Variants in TASP1 observed in about 807,000 individuals in gnomAD.
TASP1 encodes threonine aspartase 1.
Under a neutral mutation model 56.6 loss-of-function variants are expected in TASP1, and 16 were observed. The observed-to-expected ratio is 0.28, with a 90% CI of 0.19 to 0.43. The LOEUF is 0.43. Among genes scored for constraint, TASP1 ranks in the 20% least tolerant of loss-of-function variants. TASP1 has a pLI of 1.00. For missense variants in TASP1, 393 were observed against 511.6 expected, an observed-to-expected ratio of 0.77 and a Z score of 2.24; for synonymous variants, 179 against 184.2, an observed-to-expected ratio of 0.97 and a Z score of 0.23.
the TASP1 span, among the ~76,000 whole-genome samples, chr20:13,225,100 G>A: frequency 3.1e-4 from 47 of 151,260 alleles, no homozygotes; most frequent in East Asian, 4.1e-3. Flanking sequence ...TGATCCGCCC[G>A]CCTTGGCCTC....
chr20:13,121,592 C>G, the TASP1 span, among the ~76,000 whole-genome samples: 1 of 152,164 alleles, frequency 6.6e-6, no homozygotes, highest in East Asian at 1.9e-4. Context: ...CTAACCCACC[C>G]TGAAGAAGAC....
chr20:13,270,619 G>A, the TASP1 span: 54 of 1,613,812 alleles, frequency 3.3e-5, no homozygotes, highest in East Asian at 8.9e-5. Flanking sequence ...CCCAGACCGC[G>A]ATTCCGACAA....
intron 11 of TASP1, among the ~76,000 whole-genome samples, chr20:13,451,804 G>A (rs1282626284): frequency 2.0e-5 from 3 of 152,050 alleles, no homozygotes; most frequent in African/African-American, 7.2e-5. Context: ...AACTGGTGTA[G>A]GAGGCTTACC....
downstream of TASP1, among the ~76,000 whole-genome samples, chr20:13,388,152 T>A (rs751485798): frequency 7.9e-5 from 12 of 152,226 alleles, no homozygotes; most frequent in Non-Finnish European, 1.6e-4. Context: ...CACCTTAAAA[T>A]ACAGCTTCAG....
At chr20:13,147,976 C>T in the TASP1 span, among the ~76,000 whole-genome samples, 1 of 152,206 alleles carries the variant, frequency 6.6e-6, no homozygotes, top group Admixed American at 6.5e-5. Flanking sequence ...GGCTCACAAA[C>T]TCACAAACTC....
the TASP1 span, among the ~76,000 whole-genome samples, chr20:13,347,907 A>T: frequency 6.6e-6 from 1 of 152,022 alleles, no homozygotes; most frequent in Non-Finnish European, 1.5e-5. Flanking sequence ...TGCCAGTTAG[A>T]CTCCTGGAGG....
chr20:13,139,184 G>A, the TASP1 span, among the ~76,000 whole-genome samples: 1 of 152,120 alleles, frequency 6.6e-6, no homozygotes, highest in Non-Finnish European at 1.5e-5. Context: ...ATTACTTGGT[G>A]ACTAGTAACA....
the TASP1 span, among the ~76,000 whole-genome samples, chr20:13,209,786 G>A: frequency 6.6e-6 from 1 of 152,198 alleles, no homozygotes; most frequent in Non-Finnish European, 1.5e-5. Flanking sequence ...ATGAGATTAT[G>A]CTAAGGCACT....
chr20:13,535,104 G>A (rs538984162), intron 8 of TASP1, among the ~76,000 whole-genome samples: 5 of 152,146 alleles, frequency 3.3e-5, no homozygotes, highest in South Asian at 2.1e-4. Flanking sequence ...GCCCAACGCC[G>A]GGTTCAACAT....
At chr20:13,515,948 T>G (rs117230829) in intron 10 of TASP1, among the ~76,000 whole-genome samples, 2 of 152,170 alleles carry the variant, frequency 1.3e-5, no homozygotes, top group African/African-American at 4.8e-5. Flanking sequence ...TTGGAACTAT[T>G]TGATTTATGT....
chr20:13,318,136 A>AAAATAAATAAAT, the TASP1 span, among the ~76,000 whole-genome samples: 61,099 of 144,902 alleles, frequency 0.42, 13,996 homozygotes, highest in East Asian at 0.68. Context: ...GACACTTGAA[A>AAAATAAATAAAT]AAATAAATAA....
In TASP1 at chr20:13,629,917, C is replaced by G. The variant is rs372388789; in HGVS notation, c.145+17G>C. The stretch of plus-strand genomic sequence containing the variant: ...ATCAACATTATTGGCATCTTCCAAG[C>G]CATCCACAAAGCTTACCTGCATGCA... On this transcript the variant is annotated intron_variant, in intron 2 of 13. Transcript: ENST00000337743. 337 of 1,612,890 alleles carry G rather than the reference C, an allele frequency of 2.1e-4. No homozygotes were observed. Among genetic ancestry groups the G allele is most frequent in the Non-Finnish European group, 2.3e-4 (277 of 1,179,612 alleles).
At chr20:13,127,182 T>G in the TASP1 span, among the ~76,000 whole-genome samples, 4 of 152,222 alleles carry the variant, frequency 2.6e-5, no homozygotes, top group Non-Finnish European at 4.4e-5. Flanking sequence ...ACACACACAA[T>G]AAGCTTCCAG....
chr20:13,528,659 C>T (rs2045088623), intron 9 of TASP1, 148 bp from the exon 10 acceptor site: 7 of 542,388 alleles, frequency 1.3e-5, no homozygotes, highest in Admixed American at 3.1e-5. Context: ...ATAAGACATA[C>T]GCACACGATG....
chr20:13,204,624 C>T, the TASP1 span, among the ~76,000 whole-genome samples: 1 of 151,932 alleles, frequency 6.6e-6, no homozygotes, highest in African/African-American at 2.4e-5. Flanking sequence ...ACTGCAACAT[C>T]TGCCTTCTGG....
the TASP1 span, among the ~76,000 whole-genome samples, chr20:13,140,102 A>T: frequency 1.3e-5 from 2 of 152,142 alleles, no homozygotes; most frequent in African/African-American, 4.8e-5. Context: ...AATGACATAA[A>T]ATTGGAGTAG....
chr20:13,111,712 T>A, the TASP1 span, among the ~76,000 whole-genome samples: 1 of 152,166 alleles, frequency 6.6e-6, no homozygotes, highest in Admixed American at 6.5e-5. Context: ...CAGGCCTAGA[T>A]TCGTGGGAAC....
At chr20:13,288,739 C>G in the TASP1 span, 2 of 1,505,650 alleles carry the variant, frequency 1.3e-6, no homozygotes, top group Non-Finnish European at 1.8e-6. Flanking sequence ...TTTAATTTAT[C>G]ATTAAAAACT....
At chr20:13,571,706 A>G (rs1264631366) in intron 6 of TASP1, among the ~76,000 whole-genome samples, 1 of 152,202 alleles carries the variant, frequency 6.6e-6, no homozygotes, top group East Asian at 1.9e-4. Context: ...AAAATCCTGT[A>G]AAACCTCTTG....
Sources: gnomAD v4.1 joint callset for allele counts (sites outside exome capture counted in the v4.1 genomes callset) on GRCh38, gnomAD v4.1.1 for gene constraint, MANE v1.5 for transcripts, NCBI Gene and HGNC (gene_info 2026-07-23, HGNC 2026-07-21) for gene names.